The following PCDHA5 variants were observed in gnomAD, a reference collection of about 807,000 sequenced individuals.
The protein encoded by PCDHA5 is protocadherin alpha 5, also known as protocadherin alpha-5.
In PCDHA5, 43 loss-of-function variants were observed where a neutral mutation model predicts 61.6. That is an observed-to-expected ratio of 0.70 (90% confidence interval 0.55 to 0.90). The LOEUF (loss-of-function observed/expected upper bound fraction) is 0.90, where lower values mean the gene tolerates loss of function less well. Among genes scored for constraint, PCDHA5 ranks in the 40% least tolerant of loss-of-function variants. PCDHA5 has a pLI of 0.00. For missense variants in PCDHA5, 1,298 were observed against 1,222.7 expected, an observed-to-expected ratio of 1.06 and a Z score of -0.92; for synonymous variants, 627 against 543.9, an observed-to-expected ratio of 1.15 and a Z score of -2.13.
At chr5:140,876,315 C>G (rs2056279391) in intron 1 of PCDHA5, 1 of 1,613,840 alleles carries the variant, frequency 6.2e-7, no homozygotes, top group African/African-American at 1.3e-5. Flanking sequence ...CCTATGGGAT[C>G]AAAATGATTT....
In PCDHA5 at chr5:140,931,701, A is replaced by G. The variant is rs78657610; in HGVS notation, c.2353-47248A>G. Among the ~76,000 whole-genome samples the G allele has an allele frequency of 8.3e-3, 1,259 of 152,106 alleles. 10 individuals are homozygous for G. Among genetic ancestry groups the G allele is most frequent in the Non-Finnish European group, 0.014 (970 of 67,850 alleles). ...TAAATGAATTGTGATTCATAAAACC[A>G]TGAATAAAATAACTTCTATAAATAT... On this transcript the variant is annotated intron_variant, in intron 1 of 3. Coordinates refer to ENST00000529859, the MANE Select transcript of PCDHA5 (RefSeq NM_018908.3).
intron 1 of PCDHA5, among the ~76,000 whole-genome samples, chr5:140,972,289 G>A (rs548610825): frequency 1.5e-3 from 229 of 151,134 alleles, no homozygotes; most frequent in Non-Finnish European, 2.1e-3. Flanking sequence ...ATAGATGTGC[G>A]CCACCGTGTC....
chr5:140,961,222 T>C (rs1335870319), intron 1 of PCDHA5, among the ~76,000 whole-genome samples: 1 of 152,118 alleles, frequency 6.6e-6, no homozygotes, highest in East Asian at 1.9e-4. Flanking sequence ...AGAAACTGGG[T>C]CCCAAAAAGG....
intron 3 of PCDHA5, among the ~76,000 whole-genome samples, chr5:141,008,590 T>G (rs1259352249): frequency 6.6e-6 from 1 of 152,216 alleles, no homozygotes; most frequent in Non-Finnish European, 1.5e-5. Context: ...CAGGGCAGAT[T>G]TCACCTCCTC....
chr5:140,863,282 A>G (rs782183211), intron 1 of PCDHA5: 1 of 1,461,396 alleles, frequency 6.8e-7, no homozygotes, highest in Non-Finnish European at 9.3e-7. Flanking sequence ...GTGGATGTCA[A>G]CGTGTACCTG....
intron 1 of PCDHA5, chr5:140,884,522 C>T: frequency 6.2e-7 from 1 of 1,614,058 alleles, no homozygotes. Flanking sequence ...GTCGTACTCG[C>T]AGCAGAGGCG....
rs564411271 is a variant in PCDHA5, at chr5:140,916,111, G to A, written c.2353-62838G>A. 1.9e-3 allele frequency among the ~76,000 whole-genome samples: 289 copies of A among 152,268 alleles called. 1 individual carries two copies. The highest frequency in any genetic ancestry group is 6.6e-3 in the African/African-American group (274 of 41,540). ...ACAGGGAATCTGCCTGGCCACTGCT[G>A]ATGTTCACTTAAAGCTTAAGGGCTG... On this transcript the variant is annotated intron_variant, in intron 1 of 3. Coordinates refer to ENST00000529859, the MANE Select transcript of PCDHA5 (RefSeq NM_018908.3).
chr5:140,852,300 C>T (rs1056866634), intron 1 of PCDHA5: 15 of 446,010 alleles, frequency 3.4e-5, no homozygotes, highest in East Asian at 3.0e-4. Context: ...TTTTCTGAGA[C>T]GGAGTCGTTT....
At chr5:140,843,783 T>C in intron 1 of PCDHA5, 1 of 1,421,268 alleles carries the variant, frequency 7.0e-7, no homozygotes, top group Admixed American at 2.1e-5. Context: ...TAAAAGTGTT[T>C]CAGATTTAGT....
intron 3 of PCDHA5, among the ~76,000 whole-genome samples, chr5:141,007,792 C>A (rs2098346636): frequency 6.6e-6 from 1 of 152,166 alleles, no homozygotes. Flanking sequence ...TACAAATTAG[C>A]CTTTATCTGC....
intron 1 of PCDHA5, chr5:140,828,065 AT>A: frequency 2.6e-6 from 4 of 1,559,414 alleles, no homozygotes; most frequent in Non-Finnish European, 3.5e-6. Context: ...AGATCTTCTA[AT>A]GGAAATAAAA....
Position 140,857,247 on chromosome 5 carries a change from A to G in PCDHA5, c.2352+33120A>G. ...GTTCCGTTCAAGCTGGTGTCCACCT[A>G]CAAGAATTACTACTCATTGGTGCTG... is the stretch of plus-strand genomic sequence containing the variant. On this transcript the variant is annotated intron_variant, in intron 1 of 3. Coordinates refer to ENST00000529859, the MANE Select transcript of PCDHA5 (RefSeq NM_018908.3). 3 of 1,598,564 alleles carry G rather than the reference A, an allele frequency of 1.9e-6. 1 individual carries two copies. Among genetic ancestry groups the G allele is most frequent in the African/African-American group, 2.7e-5 (2 of 74,420 alleles).
Position 140,853,522 on chromosome 5 carries a change from C to T in PCDHA5, c.2352+29395C>T, listed in dbSNP as rs1217727658. Reference sequence around the variant, plus strand: ...TCATGAAACAATAATGAAGCTCCTCCTATGTCTCTTTTCAAGTTGTAATTA... The same window carrying T: ...TCATGAAACAATAATGAAGCTCCTCTTATGTCTCTTTTCAAGTTGTAATTA... On this transcript the variant is annotated intron_variant, in intron 1 of 3. Coordinates refer to ENST00000529859, the MANE Select transcript of PCDHA5 (RefSeq NM_018908.3). 4.1e-6 allele frequency: 4 copies of T among 977,898 alleles called. No homozygotes were observed. In the African/African-American group the frequency reaches 5.3e-5, roughly 13 times the overall value. The allele number at this position is 977,898 out of a possible 1,614,324, so 60.6% of individuals were successfully genotyped here.
In PCDHA5 at chr5:140,822,199, TTA is replaced by T. The variant is rs2150114512; in HGVS notation, c.425_426del (p.Leu142Ter). The T allele has an allele frequency of 3.7e-6, 6 of 1,614,136 alleles. No homozygotes were observed. The highest frequency in any genetic ancestry group is 5.1e-6 in the Non-Finnish European group (6 of 1,180,052). The stretch of plus-strand genomic sequence containing the variant: ...CAGACAAGAACAAAGATTATTCATT[TTA>T]GAGTCAAGAATGCCAGATTCGCGGT... ...FSRQEQRLFI[L>X]ESRMPDSRFP... On this transcript the variant is annotated frameshift_variant, in exon 1 of 4. Coordinates refer to ENST00000529859, the MANE Select transcript of PCDHA5 (RefSeq NM_018908.3). LOFTEE classifies it high-confidence loss of function.
chr5:140,930,329 A>C (rs868965676), intron 1 of PCDHA5: 1 of 152,198 alleles, frequency 6.6e-6, no homozygotes, highest in African/African-American at 2.4e-5. Context: ...AATGTATCTA[A>C]TGAAAGTTAA....
At chr5:140,882,137 A>G in intron 1 of PCDHA5, 1 of 1,489,212 alleles carries the variant, frequency 6.7e-7, no homozygotes. Flanking sequence ...CCTGCAGAAA[A>G]TATAGCAGAA....
intron 1 of PCDHA5, among the ~76,000 whole-genome samples, chr5:140,888,049 T>C (rs554327528): frequency 1.3e-5 from 2 of 152,354 alleles, no homozygotes; most frequent in South Asian, 2.1e-4. Context: ...GTATAATAGA[T>C]GTTTTAACTT....
intron 1 of PCDHA5, chr5:140,884,185 G>T (rs1554181312): frequency 6.2e-7 from 1 of 1,613,444 alleles, no homozygotes. Context: ...CTCTGGACGA[G>T]GTGGACGCGC....
intron 1 of PCDHA5, chr5:140,841,611 G>C (rs2150319293): frequency 6.2e-7 from 1 of 1,614,018 alleles, no homozygotes. Context: ...GAGCTGTGCG[G>C]GCGGAGCGCG....
Sources: allele counts gnomAD v4.1 joint callset (sites outside exome capture counted in the v4.1 genomes callset), GRCh38; gene constraint gnomAD v4.1.1; transcripts MANE v1.5; gene names NCBI Gene and HGNC (gene_info 2026-07-23, HGNC 2026-07-21).